The following CUX1 variants were observed in gnomAD, a reference collection of about 807,000 sequenced individuals.
The protein encoded by CUX1 is protein CASP.
In CUX1, 31 loss-of-function variants were observed where a neutral mutation model predicts 158.8. The ratio of observed to expected loss-of-function variants is 0.20; its 90% CI spans 0.15 to 0.26. CUX1 has a LOEUF of 0.26. Among genes scored for constraint, CUX1 ranks in the 10% least tolerant of loss-of-function variants. The pLI is 1.00. For missense variants in CUX1, 1,589 were observed against 2,014.6 expected (o/e 0.79, Z 4.04); for synonymous variants, 879 against 862.1 (o/e 1.02, Z -0.34).
At chr7:102,099,006 C>T (rs1554485383) in intron 5 of CUX1, among the ~76,000 whole-genome samples, 1 of 151,946 alleles carries the variant, frequency 6.6e-6, no homozygotes, top group Middle Eastern at 3.2e-3. Context: ...AAAAACACTG[C>T]AGATAGACCA....
intron 4 of CUX1, among the ~76,000 whole-genome samples, chr7:102,078,970 C>T (rs1324809978): frequency 6.6e-6 from 1 of 152,204 alleles, no homozygotes; most frequent in Non-Finnish European, 1.5e-5. Context: ...TTTTTGAGAA[C>T]TGCTTTTTAA....
At chr7:102,213,436 A>T (rs1465690860) in intron 20 of CUX1, among the ~76,000 whole-genome samples, 1 of 152,238 alleles carries the variant, frequency 6.6e-6, no homozygotes, top group Non-Finnish European at 1.5e-5. Flanking sequence ...AACCAGGCCA[A>T]CTAGGCTAGA....
intron 15 of CUX1, chr7:102,273,605 CAGAA>C: frequency 5.2e-6 from 7 of 1,351,696 alleles, no homozygotes; most frequent in Non-Finnish European, 6.1e-6. Flanking sequence ...GGTGACAACC[CAGAA>C]GGGCTGTCAC....
At chr7:102,031,805 A>G (rs1180661161) in intron 3 of CUX1, among the ~76,000 whole-genome samples, 1 of 152,072 alleles carries the variant, frequency 6.6e-6, no homozygotes, top group Admixed American at 6.6e-5. Context: ...CTAAGATCTC[A>G]TTTAGCAGAA....
intron 17 of CUX1, chr7:102,277,812 G>T (rs910696853): frequency 9.7e-5 from 46 of 475,564 alleles, no homozygotes; most frequent in Non-Finnish European, 1.5e-4. Context: ...CCACAGTGGG[G>T]GAAGGGGCAG....
intron 20 of CUX1, among the ~76,000 whole-genome samples, chr7:102,210,278 A>G (rs401236): frequency 0.96 from 145,452 of 152,228 alleles, 69,500 homozygotes; most frequent in East Asian, 1. Context: ...TGTATTTTTA[A>G]TAGAGATGGG....
intron 8 of CUX1, among the ~76,000 whole-genome samples, chr7:102,151,319 G>A (rs1387150805): frequency 6.6e-6 from 1 of 152,140 alleles, no homozygotes; most frequent in Non-Finnish European, 1.5e-5. Context: ...TTGGGAGGCC[G>A]AGGCGGGTGG....
chr7:102,147,574 G>T (rs1018530758), intron 8 of CUX1, among the ~76,000 whole-genome samples: 2 of 152,114 alleles, frequency 1.3e-5, no homozygotes, highest in East Asian at 3.8e-4. Flanking sequence ...CATCTTGTAG[G>T]CTCTTTCCTT....
At chr7:101,856,049 C>T (rs967689551) in intron 1 of CUX1, among the ~76,000 whole-genome samples, 10 of 151,352 alleles carry the variant, frequency 6.6e-5, no homozygotes, top group Non-Finnish European at 1.2e-4. Flanking sequence ...GGTGTGGTGG[C>T]GTGCATCTGT....
In CUX1 at chr7:102,254,197, G is replaced by A. The variant is rs953138415; in HGVS notation, c.*5155G>A. Reference sequence around the variant, plus strand: ...TCTTTTGCAGGCAGGGCGTGGTCTCGGGGCTCCGAGGGTCTTGTCTTTGGT... The same window carrying A: ...TCTTTTGCAGGCAGGGCGTGGTCTCAGGGCTCCGAGGGTCTTGTCTTTGGT... On this transcript the variant is annotated 3_prime_UTR_variant, in exon 24 of 24. Coordinates refer to ENST00000292535, the MANE Select transcript of CUX1 (RefSeq NM_181552.4). The A allele has an allele frequency of 1.1e-5, 11 of 985,400 alleles. No individual in the cohort carries two copies. Among genetic ancestry groups the A allele is most frequent in the Non-Finnish European group, 1.1e-5 (9 of 830,076 alleles). 61.0% of individuals were successfully genotyped at this position (985,400 alleles called of 1,614,324 possible).
chr7:102,083,916 C>T (rs1267898949), intron 4 of CUX1, among the ~76,000 whole-genome samples: 4 of 146,232 alleles, frequency 2.7e-5, no homozygotes, highest in Admixed American at 7.0e-5. Context: ...TTTTTAATCT[C>T]GCTTCATCAC....
chr7:101,832,658 A>G (rs928570627), intron 1 of CUX1, among the ~76,000 whole-genome samples: 6 of 152,182 alleles, frequency 3.9e-5, no homozygotes, highest in Non-Finnish European at 8.8e-5. Flanking sequence ...ATTCTAATGG[A>G]AATAAACCCG....
At chr7:101,895,638 G>T (rs1049262667) in intron 1 of CUX1, among the ~76,000 whole-genome samples, 1 of 152,128 alleles carries the variant, frequency 6.6e-6, no homozygotes, top group Non-Finnish European at 1.5e-5. Flanking sequence ...ATTCTTAAAA[G>T]AATTTTAGGG....
At chr7:102,215,400 T>C (rs1335086512) in intron 20 of CUX1, among the ~76,000 whole-genome samples, 1 of 152,164 alleles carries the variant, frequency 6.6e-6, no homozygotes, top group African/African-American at 2.4e-5. Context: ...CCTGAGATAG[T>C]GCAGCATTTG....
At chr7:101,944,058 T>C (rs908502640) in intron 2 of CUX1, among the ~76,000 whole-genome samples, 1 of 152,150 alleles carries the variant, frequency 6.6e-6, no homozygotes, top group Non-Finnish European at 1.5e-5. Flanking sequence ...AACTTGTTTT[T>C]TTCTTCAGTT....
At chr7:102,273,233 G>A in intron 14 of CUX1, 5 of 1,246,912 alleles carry the variant, frequency 4.0e-6, no homozygotes, top group Non-Finnish European at 5.5e-6. Flanking sequence ...TGAGTTGGGA[G>A]GGAATAGCCA....
At chr7:102,105,514 T>TA (rs1585698074) in intron 6 of CUX1, among the ~76,000 whole-genome samples, 1 of 146,382 alleles carries the variant, frequency 6.8e-6, no homozygotes, top group East Asian at 2.0e-4. Context: ...CTTTTTTTTT[T>TA]TTTTTTTTTT....
intron 8 of CUX1, among the ~76,000 whole-genome samples, chr7:102,149,120 C>T (rs936190417): frequency 6.6e-6 from 1 of 152,100 alleles, no homozygotes; most frequent in Non-Finnish European, 1.5e-5. Context: ...CTCGCAACCC[C>T]GAGAGAGCCA....
At chr7:101,910,527 G>A (rs1270900316) in intron 1 of CUX1, among the ~76,000 whole-genome samples, 3 of 152,072 alleles carry the variant, frequency 2.0e-5, no homozygotes, top group African/African-American at 7.2e-5. Context: ...AGGCCAAGGC[G>A]GGCAGATCGC....
Sources: allele counts gnomAD v4.1 joint callset (sites outside exome capture counted in the v4.1 genomes callset), GRCh38; gene constraint gnomAD v4.1.1; transcripts MANE v1.5; gene names NCBI Gene and HGNC (gene_info 2026-07-23, HGNC 2026-07-21).